The following TM9SF4 variants were observed in gnomAD, a reference collection of about 807,000 sequenced individuals.
TM9SF4 encodes the protein transmembrane 9 superfamily member 4, also known as dinucleotide oxidase disulfide thiol exchanger 3 superfamily member 4.
A neutral mutation model predicts 90.4 loss-of-function variants in TM9SF4; 26 were observed. That is an observed-to-expected ratio of 0.29 (90% confidence interval 0.21 to 0.40). The LOEUF is 0.40. Ranked by LOEUF, TM9SF4 falls within the 10% of genes least tolerant of loss-of-function variation. The pLI is 1.00. For missense variants in TM9SF4, 549 were observed against 834.8 expected (o/e 0.66, Z 4.22); for synonymous variants, 293 against 315.4 (o/e 0.93, Z 0.75).
At chr20:32,155,031 C>A in intron 12 of TM9SF4, 72 bp from the exon 13 acceptor site, 3 of 1,180,434 alleles carry the variant, frequency 2.5e-6, no homozygotes, top group East Asian at 2.3e-5. Context: ...AGCTTCTGGT[C>A]TGGGGGCCCC....
At chr20:32,112,190 G>A (rs1205185993) in intron 1 of TM9SF4, among the ~76,000 whole-genome samples, 1 of 152,118 alleles carries the variant, frequency 6.6e-6, no homozygotes, top group Non-Finnish European at 1.5e-5. Flanking sequence ...CTGGGAGATC[G>A]CTTGAGCTCA....
rs1600818890 is a variant in TM9SF4 at position 32,142,993 on chromosome 20, C to T, written c.540C>T (p.His180=). Residue 180 remains histidine (H), a synonymous_variant, in exon 6 of 18, where the codon CAC becomes CAT. Coordinates refer to ENST00000398022, the MANE Select transcript of TM9SF4 (RefSeq NM_014742.4). ...GFTDVNKIYL[H]NHLSFILYYH... ...TTGCTGTGTTTCAGATCTACCTGCA[C>T]AACCACCTCTCATTCATCCTTTACT... The T allele has an allele frequency of 6.2e-7, 1 of 1,613,512 alleles. No homozygotes were observed. Among genetic ancestry groups the T allele is most frequent in the Non-Finnish European group, 8.5e-7 (1 of 1,179,616 alleles).
chr20:32,123,845 C>T (rs1374653161), intron 1 of TM9SF4, among the ~76,000 whole-genome samples: 2 of 108,734 alleles, frequency 1.8e-5, no homozygotes, highest in Admixed American at 2.0e-4. Context: ...TTCTCTCTCT[C>T]ATATATATAT....
intron 1 of TM9SF4, among the ~76,000 whole-genome samples, chr20:32,114,481 C>T (rs2122303147): frequency 6.6e-6 from 1 of 152,276 alleles, no homozygotes; most frequent in South Asian, 2.1e-4. Context: ...CAGGCACGCA[C>T]CACATCCACC....
At chr20:32,160,151 G>C in intron 16 of TM9SF4, 40 bp downstream of exon 16, 1 of 1,613,358 alleles carries the variant, frequency 6.2e-7, no homozygotes, top group Non-Finnish European at 8.5e-7. Flanking sequence ...AGGGAGAACT[G>C]GATCCAGCAT....
chr20:32,121,875 G>C (rs1175357185), intron 1 of TM9SF4, among the ~76,000 whole-genome samples: 2 of 143,854 alleles, frequency 1.4e-5, no homozygotes, highest in African/African-American at 2.6e-5. Flanking sequence ...CTGGCCGGGC[G>C]GGGGGCTGAC....
chr20:32,130,529 A>G (rs2046495165), intron 1 of TM9SF4, among the ~76,000 whole-genome samples: 1 of 152,204 alleles, frequency 6.6e-6, no homozygotes, highest in Non-Finnish European at 1.5e-5. Context: ...AAAAGCTTCC[A>G]ATGAGGAAGG....
At chr20:32,146,956 T>A in intron 9 of TM9SF4, 101 bp downstream of exon 9, 51 of 1,007,404 alleles carry the variant, frequency 5.1e-5, no homozygotes, top group Non-Finnish European at 7.3e-5. Flanking sequence ...AGAGGAAACC[T>A]CAAAATACTA....
Position 32,157,938 on chromosome 20 carries a change from G to T in TM9SF4, c.1474G>T (p.Glu492Ter). ...RTNQIPRQIP[E>*]QRWYMNRFVG... is the part of the protein sequence containing the mutation. Reference sequence around the variant, plus strand: ...CAACCAGATTCCCCGGCAGATCCCCGAGCAGCGGTGGTACATGAACCGATT... The same window carrying T: ...CAACCAGATTCCCCGGCAGATCCCCTAGCAGCGGTGGTACATGAACCGATT... Residue 492 changes from glutamate to a stop codon, truncating the protein, a stop_gained, in exon 14 of 18, where the codon GAG becomes TAG. Transcript: ENST00000398022. LOFTEE classifies it high-confidence loss of function. 6.2e-7 allele frequency: 1 copy of T among 1,614,084 alleles called. No homozygotes were observed. Among genetic ancestry groups the T allele is most frequent in the Non-Finnish European group, 8.5e-7 (1 of 1,180,012 alleles).
In TM9SF4 at chr20:32,165,597, G is replaced by A. The variant is rs1421511749; in HGVS notation, c.*153G>A. 2 of 862,916 alleles carry A rather than the reference G, an allele frequency of 2.3e-6. No homozygotes were observed. The highest frequency in any genetic ancestry group is 3.5e-6 in the Non-Finnish European group (2 of 565,492). 53.5% of individuals were successfully genotyped at this position (862,916 alleles called of 1,614,324 possible). On this transcript the variant is annotated 3_prime_UTR_variant, in exon 18 of 18. Transcript: ENST00000398022. ...GGATCCTGGGGCTGCGTGGGGGGCG[G>A]GAGGGCCTGTAGATAATCTTGCGTT...
intron 1 of TM9SF4, among the ~76,000 whole-genome samples, chr20:32,130,289 A>T (rs1329643422): frequency 6.6e-6 from 1 of 152,168 alleles, no homozygotes; most frequent in Non-Finnish European, 1.5e-5. Flanking sequence ...ATTTGTTGAT[A>T]GTATCTTTGT....
At chr20:32,110,865 G>A (rs1328986549) in intron 1 of TM9SF4, among the ~76,000 whole-genome samples, 1 of 152,198 alleles carries the variant, frequency 6.6e-6, no homozygotes, top group Non-Finnish European at 1.5e-5. Context: ...CAAGAGACCA[G>A]AACTAAAATT....
At chr20:32,121,780 C>T (rs911416615) in intron 1 of TM9SF4, among the ~76,000 whole-genome samples, 3 of 151,478 alleles carry the variant, frequency 2.0e-5, no homozygotes, top group Non-Finnish European at 3.0e-5. Flanking sequence ...TAGGGGCGGC[C>T]GGGCAGAGGC....
At chr20:32,138,850 A>G (rs1443721907) in intron 3 of TM9SF4, among the ~76,000 whole-genome samples, 3 of 152,236 alleles carry the variant, frequency 2.0e-5, no homozygotes, top group African/African-American at 7.2e-5. Context: ...GCAGTAGGAA[A>G]TGGTATAGAG....
chr20:32,137,159 C>T (rs1196641821), intron 3 of TM9SF4, among the ~76,000 whole-genome samples: 1 of 152,260 alleles, frequency 6.6e-6, no homozygotes, highest in African/African-American at 2.4e-5. Flanking sequence ...CAACTGTCTG[C>T]AGTGGTGCAG....
At chr20:32,157,687 A>G in intron 13 of TM9SF4, 107 bp from the exon 14 acceptor site, 2 of 1,419,112 alleles carry the variant, frequency 1.4e-6, no homozygotes, top group Non-Finnish European at 1.9e-6. Flanking sequence ...CTTCTGCTGC[A>G]CAAGTCGCCT....
chr20:32,143,190 G>C, intron 6 of TM9SF4, 85 bp downstream of exon 6: 1 of 1,523,496 alleles, frequency 6.6e-7, no homozygotes, highest in East Asian at 2.4e-5. Context: ...TCTCCCTCCT[G>C]AGCTGGCCGA....
Position 32,143,120 on chromosome 20 carries a change from G to A in TM9SF4, c.652+15G>A, listed in dbSNP as rs368841475. On this transcript the variant is annotated intron_variant, in intron 6 of 17. Coordinates refer to ENST00000398022, the MANE Select transcript of TM9SF4 (RefSeq NM_014742.4). The stretch of plus-strand genomic sequence containing the variant: ...CAGGCTGGAGGGTGAGTGGGGAGGT[G>A]TGGCCGGAGGGGCAGGGCTGGATGG... 1.3e-5 allele frequency: 21 copies of A among 1,611,766 alleles called. No homozygotes were observed. The highest frequency in any genetic ancestry group is 1.4e-5 in the Non-Finnish European group (17 of 1,178,740).
rs1433640613 is a variant in TM9SF4, at chr20:32,158,574, C to G, written c.1569+60C>G. On this transcript the variant is annotated intron_variant, in intron 15 of 17. Transcript: ENST00000398022. ...TGCTAGCCGGGTCACTCCCACTCCACTCGGGTGCTCTGCTGCCTACTGCCT... is the reference window on the plus strand; with the variant it reads ...TGCTAGCCGGGTCACTCCCACTCCAGTCGGGTGCTCTGCTGCCTACTGCCT... 1.9e-6 allele frequency: 3 copies of G among 1,560,596 alleles called. No homozygotes were observed. The African/African-American group carries it at 4.1e-5, about 21-fold the overall frequency.
Sources: gnomAD v4.1 joint callset for allele counts (sites outside exome capture counted in the v4.1 genomes callset) on GRCh38, gnomAD v4.1.1 for gene constraint, MANE v1.5 for transcripts, NCBI Gene and HGNC (gene_info 2026-07-23, HGNC 2026-07-21) for gene names.